The following MTA3 variants were observed in gnomAD, a reference collection of about 807,000 sequenced individuals.
The protein encoded by MTA3 is metastasis-associated protein MTA3.
MTA3 carries 34 observed loss-of-function variants against 83.5 expected under a neutral mutation model. That is an observed-to-expected ratio of 0.41 (90% confidence interval 0.31 to 0.54). The LOEUF is 0.54. Among genes scored for constraint, MTA3 ranks in the 20% least tolerant of loss-of-function variants. MTA3 has a pLI of 0.33. For synonymous variants in MTA3, 303 were observed against 252.7 expected, an observed-to-expected ratio of 1.20 and a Z score of -1.89; for missense variants, 761 against 726.4, an observed-to-expected ratio of 1.05 and a Z score of -0.55.
chr2:42,524,333 C>G (rs1162875367), intron 2 of MTA3, among the ~76,000 whole-genome samples: 1 of 151,574 alleles, frequency 6.6e-6, no homozygotes, highest in Non-Finnish European at 1.5e-5. Flanking sequence ...TGGAGTCTCA[C>G]CCTGTTGCCT....
At chr2:42,509,067 G>T (rs569523374) in intron 2 of MTA3, among the ~76,000 whole-genome samples, 1 of 151,478 alleles carries the variant, frequency 6.6e-6, no homozygotes, top group South Asian at 2.1e-4. Flanking sequence ...TTTTGTGACG[G>T]AGTCTTGCTC....
At chr2:42,752,173 C>G (rs1669922585) in intron 16 of MTA3, 1 of 470,972 alleles carries the variant, frequency 2.1e-6, no homozygotes. Flanking sequence ...CTTTATTTAA[C>G]ACATACTTGC....
intron 2 of MTA3, chr2:42,532,801 G>A (rs905616059): frequency 2.6e-6 from 1 of 378,032 alleles, no homozygotes; most frequent in African/African-American, 2.1e-5. Context: ...AGCAGCTCGG[G>A]CTCCTTCCCA....
At chr2:42,752,926 GC>G (rs140388083) in intron 16 of MTA3, among the ~76,000 whole-genome samples, 2,220 of 145,602 alleles carry the variant, frequency 0.015, 65 homozygotes, top group African/African-American at 0.049. Context: ...TACATTGTGA[GC>G]CCTTTTTTTT....
Position 42,579,852 on chromosome 2 carries a change from TTGG to T in MTA3, c.190+657_190+659del, listed in dbSNP as rs1679425789. Among the ~76,000 whole-genome samples the T allele has an allele frequency of 2.0e-5, 3 of 152,040 alleles. No homozygotes were observed. The South Asian group carries it at 6.2e-4, about 32-fold the overall frequency. ...TGCATGAGCTACTGGGCCTGGCCTA[TTGG>T]TGGTTTTGTGAGGATACAGATAGGA... On this transcript the variant is annotated intron_variant, in intron 3 of 16. Coordinates refer to ENST00000405094, the MANE Select transcript of MTA3 (RefSeq NM_001330442.2).
intron 10 of MTA3, 32 bp downstream of exon 10, chr2:42,695,871 T>A: frequency 2.3e-6 from 3 of 1,296,386 alleles, no homozygotes; most frequent in Non-Finnish European, 3.2e-6. Flanking sequence ...CCAATATGGT[T>A]GCATTTAAGT....
rs766820248 is a variant in MTA3, at chr2:42,753,485, A to G, written c.*86A>G. 3 of 1,544,912 alleles carry G rather than the reference A, an allele frequency of 1.9e-6. No homozygotes were observed. The highest frequency in any genetic ancestry group is 2.6e-6 in the Non-Finnish European group (3 of 1,143,866). On this transcript the variant is annotated 3_prime_UTR_variant, in exon 17 of 17. Transcript: ENST00000405094. ...CCGTGCCTGGGAAGAAGGCAGCCCC[A>G]CTCCCAGTACATTTCAGTGGGAGAC...
At chr2:42,708,812 A>G in intron 13 of MTA3, 62 bp from the exon 14 acceptor site, 1 of 1,560,428 alleles carries the variant, frequency 6.4e-7, no homozygotes. Context: ...AGCATGATGC[A>G]AACAGTAACG....
chr2:42,618,080 G>A (rs1007450895), intron 4 of MTA3, among the ~76,000 whole-genome samples: 3 of 151,924 alleles, frequency 2.0e-5, no homozygotes, highest in East Asian at 1.9e-4. Flanking sequence ...AAGTAGCTGG[G>A]ACTGCAAGTG....
intron 2 of MTA3, among the ~76,000 whole-genome samples, chr2:42,525,085 T>A (rs1351509016): frequency 6.6e-6 from 1 of 151,386 alleles, no homozygotes; most frequent in Non-Finnish European, 1.5e-5. Flanking sequence ...GTTAGGTATA[T>A]CTCCTAATGC....
intron 12 of MTA3, among the ~76,000 whole-genome samples, chr2:42,706,492 G>A (rs751460856): frequency 6.6e-6 from 1 of 152,130 alleles, no homozygotes; most frequent in Non-Finnish European, 1.5e-5. Context: ...GAATATAATG[G>A]TCTCTGTATT....
intron 11 of MTA3, chr2:42,702,605 C>T (rs752833859): frequency 1.3e-5 from 2 of 152,098 alleles, no homozygotes; most frequent in African/African-American, 2.4e-5. Flanking sequence ...CATTCATTTC[C>T]GATAAATTAT....
At chr2:42,525,495 C>CTTCTTTCCTTCCTTCCTTCCT (rs1558414111) in intron 2 of MTA3, among the ~76,000 whole-genome samples, 3 of 148,156 alleles carry the variant, frequency 2.0e-5, no homozygotes, top group Non-Finnish European at 4.5e-5. Flanking sequence ...TCCTTCCTTC[C>CTTCTTTCCTTCCTTCCTTCCT]TTCCTTCCTT....
chr2:42,630,044 A>G (rs529465655), intron 4 of MTA3, among the ~76,000 whole-genome samples: 1 of 152,248 alleles, frequency 6.6e-6, no homozygotes, highest in Admixed American at 6.5e-5. Context: ...CCCAAGTGCT[A>G]GGATTACAGG....
intron 7 of MTA3, among the ~76,000 whole-genome samples, chr2:42,659,289 A>G (rs1331909041): frequency 6.6e-6 from 1 of 152,140 alleles, no homozygotes; most frequent in Non-Finnish European, 1.5e-5. Context: ...TTTAGTAGAA[A>G]TCTGTTTCAT....
chr2:42,527,432 A>G (rs1156341329), intron 2 of MTA3, among the ~76,000 whole-genome samples: 2 of 152,142 alleles, frequency 1.3e-5, no homozygotes, highest in South Asian at 2.1e-4. Flanking sequence ...GAGGTTTGCA[A>G]ACTGTCCACT....
At chr2:42,701,716 G>A (rs774366567) in intron 11 of MTA3, among the ~76,000 whole-genome samples, 24 of 152,078 alleles carry the variant, frequency 1.6e-4, no homozygotes, top group Non-Finnish European at 3.4e-4. Flanking sequence ...AGGAATTTGA[G>A]ACAAGCCTGG....
chr2:42,687,436 CA>C (rs1405847680), intron 9 of MTA3, among the ~76,000 whole-genome samples: 3 of 152,160 alleles, frequency 2.0e-5, no homozygotes. Context: ...GAATGTACCA[CA>C]ATCAGTTTAT....
rs1276637228 is a variant in MTA3 at position 42,576,765 on chromosome 2, C to T, written c.97-2342C>T. Among the ~76,000 whole-genome samples the T allele has an allele frequency of 3.3e-5, 5 of 152,036 alleles. 1 individual carries two copies. Among genetic ancestry groups the T allele is most frequent in the Admixed American group, 2.0e-4 (3 of 15,254 alleles). ...GTGCAAAATTAGCCGGGCATGGTGGCGCATGCCTGTAATCCCAGCTACTCG... is the reference window on the plus strand; with the variant it reads ...GTGCAAAATTAGCCGGGCATGGTGGTGCATGCCTGTAATCCCAGCTACTCG... On this transcript the variant is annotated intron_variant, in intron 2 of 16. Transcript: ENST00000405094.
Sources: gnomAD v4.1 joint callset for allele counts (sites outside exome capture counted in the v4.1 genomes callset) on GRCh38, gnomAD v4.1.1 for gene constraint, MANE v1.5 for transcripts, NCBI Gene and HGNC (gene_info 2026-07-23, HGNC 2026-07-21) for gene names.